The following TSPAN14 variants were observed in gnomAD, a reference collection of about 807,000 sequenced individuals.
TSPAN14 encodes tetraspanin-14.
TSPAN14 carries 16 observed loss-of-function variants against 36.6 expected under a neutral mutation model. The ratio of observed to expected loss-of-function variants is 0.44; its 90% CI spans 0.30 to 0.66. The LOEUF (loss-of-function observed/expected upper bound fraction) is 0.66. TSPAN14 is among the 30% of genes least tolerant of loss of function. The pLI, the probability that TSPAN14 is intolerant of heterozygous loss-of-function variation, is 0.12. For missense variants in TSPAN14, 231 were observed against 355.1 expected (o/e 0.65, Z 2.81); for synonymous variants, 139 against 143.8 (o/e 0.97, Z 0.24).
intron 1 of TSPAN14, among the ~76,000 whole-genome samples, chr10:80,482,726 C>A (rs1034216337): frequency 7.7e-6 from 1 of 129,224 alleles, no homozygotes; most frequent in East Asian, 2.2e-4. Flanking sequence ...GTTCACTTTT[C>A]TTTTCCTTTT....
At chr10:80,516,131 A>G in intron 7 of TSPAN14, 73 bp from the exon 8 acceptor site, 4 of 1,607,130 alleles carry the variant, frequency 2.5e-6, no homozygotes, top group Non-Finnish European at 3.4e-6. Context: ...GCTCCTTACC[A>G]GAGCTCACTA....
chr10:80,512,116 C>G (rs1162845644), intron 5 of TSPAN14, 28 bp from the exon 6 acceptor site: 3 of 1,613,962 alleles, frequency 1.9e-6, no homozygotes, highest in Non-Finnish European at 2.5e-6. Context: ...CTTGGAGCCC[C>G]TAACAGTTCT....
rs1349542857 is a variant in TSPAN14 at position 80,489,600 on chromosome 10, G to C, written c.81+286G>C. Among the ~76,000 whole-genome samples, 3 of 152,246 alleles carry C rather than the reference G, an allele frequency of 2.0e-5. No homozygotes were observed. The East Asian group carries it at 5.8e-4, about 29-fold the overall frequency. ...TGTCTGTCTCCCCTACCTGCCCCCT[G>C]TTCCGATCCTGGGAGTGCCCCAATG... On this transcript the variant is annotated intron_variant, in intron 2 of 8. Coordinates refer to ENST00000429989, the Ensembl canonical transcript of TSPAN14.
chr10:80,495,857 A>G (rs1396945920), intron 2 of TSPAN14, among the ~76,000 whole-genome samples: 1 of 152,202 alleles, frequency 6.6e-6, no homozygotes, highest in Non-Finnish European at 1.5e-5. Flanking sequence ...AATCACCATC[A>G]TCACAATGAA....
chr10:80,498,860 G>T (rs558196694), intron 2 of TSPAN14, among the ~76,000 whole-genome samples: 2 of 152,284 alleles, frequency 1.3e-5, no homozygotes, highest in South Asian at 2.1e-4. Context: ...TCTTGGACTC[G>T]CATGAGGCCC....
At chr10:80,460,683 C>T (rs1439799027) in intron 1 of TSPAN14, among the ~76,000 whole-genome samples, 1 of 152,174 alleles carries the variant, frequency 6.6e-6, no homozygotes, top group Admixed American at 6.5e-5. Context: ...TCAGCATCTG[C>T]TGGCCCCTTG....
chr10:80,490,512 C>G (rs562824894), intron 2 of TSPAN14, among the ~76,000 whole-genome samples: 2 of 152,308 alleles, frequency 1.3e-5, no homozygotes, highest in East Asian at 3.9e-4. Context: ...TAGAAAGGCA[C>G]AGTCAACCAT....
At chr10:80,461,548 T>C (rs1217719669) in intron 1 of TSPAN14, among the ~76,000 whole-genome samples, 1 of 152,100 alleles carries the variant, frequency 6.6e-6, no homozygotes, top group Non-Finnish European at 1.5e-5. Flanking sequence ...CCAAGGGCTC[T>C]GGGGTGCTAA....
At chr10:80,480,657 A>T (rs1190708652) in intron 1 of TSPAN14, among the ~76,000 whole-genome samples, 1 of 152,206 alleles carries the variant, frequency 6.6e-6, no homozygotes, top group Non-Finnish European at 1.5e-5. Flanking sequence ...GGAAATCATC[A>T]TTCTCAGTAA....
At chr10:80,478,297 C>T (rs1227523664) in intron 1 of TSPAN14, among the ~76,000 whole-genome samples, 1 of 151,974 alleles carries the variant, frequency 6.6e-6, no homozygotes, top group Non-Finnish European at 1.5e-5. Context: ...TTCAGGGAGT[C>T]TTTCAGAAAA....
chr10:80,463,810 G>A (rs573239587), intron 1 of TSPAN14, among the ~76,000 whole-genome samples: 61 of 152,354 alleles, frequency 4.0e-4, no homozygotes, highest in African/African-American at 1.3e-3. Flanking sequence ...GGGAATGAAA[G>A]TTTACAAAGT....
intron 2 of TSPAN14, among the ~76,000 whole-genome samples, chr10:80,497,854 C>T (rs1236362934): frequency 6.7e-6 from 1 of 149,964 alleles, no homozygotes; most frequent in African/African-American, 2.4e-5. Flanking sequence ...GCTGGGAGGG[C>T]ACATGTGTTG....
intron 1 of TSPAN14, among the ~76,000 whole-genome samples, chr10:80,482,665 A>G (rs550389086): frequency 1.5e-4 from 22 of 148,826 alleles, no homozygotes; most frequent in Non-Finnish European, 2.8e-4. Flanking sequence ...ATTTCTTACT[A>G]TGGGTTGTGA....
At chr10:80,517,758 G>C in intron 8 of TSPAN14, 147 bp from the exon 9 acceptor site, 1 of 748,196 alleles carries the variant, frequency 1.3e-6, no homozygotes, top group South Asian at 1.7e-5. Context: ...TGTGCCACTC[G>C]CTCTGCGGTG....
At chr10:80,487,236 C>T (rs1376329613) in intron 1 of TSPAN14, among the ~76,000 whole-genome samples, 2 of 151,678 alleles carry the variant, frequency 1.3e-5, no homozygotes, top group Non-Finnish European at 2.9e-5. Context: ...GTAAGATCCC[C>T]AAGGGGACTG....
At chr10:80,476,379 A>G (rs1846889438) in intron 1 of TSPAN14, among the ~76,000 whole-genome samples, 1 of 151,514 alleles carries the variant, frequency 6.6e-6, no homozygotes, top group Non-Finnish European at 1.5e-5. Flanking sequence ...CAAAAACAAA[A>G]GTAAATGCTG....
intron 2 of TSPAN14, among the ~76,000 whole-genome samples, chr10:80,500,096 C>G (rs778753433): frequency 3.3e-5 from 5 of 152,080 alleles, no homozygotes; most frequent in Admixed American, 2.0e-4. Context: ...TTCATGGGAC[C>G]GTTATGTGAG....
At chr10:80,496,906 G>A (rs1848225195) in intron 2 of TSPAN14, among the ~76,000 whole-genome samples, 1 of 151,474 alleles carries the variant, frequency 6.6e-6, no homozygotes, top group African/African-American at 2.4e-5. Flanking sequence ...AAGTTGTTGG[G>A]ATTTCATCTT....
intron 1 of TSPAN14, among the ~76,000 whole-genome samples, chr10:80,479,797 G>A (rs7079671): frequency 0.3 from 44,248 of 145,684 alleles, 7,498 homozygotes; most frequent in African/African-American, 0.46. Flanking sequence ...GTTCCATATG[G>A]ACTTTAAAGT....
Sources: gnomAD v4.1 joint callset for allele counts (sites outside exome capture counted in the v4.1 genomes callset) on GRCh38, gnomAD v4.1.1 for gene constraint, MANE v1.5 for transcripts, NCBI Gene and HGNC (gene_info 2026-07-23, HGNC 2026-07-21) for gene names.